SACM1L: variants seen among roughly 807,000 people sequenced by gnomAD.
The protein encoded by SACM1L is phosphatidylinositol-3-phosphatase SAC1.
A neutral mutation model predicts 89.5 loss-of-function variants in SACM1L; 32 were observed. That is an observed-to-expected ratio of 0.36 (90% CI 0.27 to 0.48). The LOEUF (loss-of-function observed/expected upper bound fraction) is 0.48. SACM1L is among the 20% of genes least tolerant of loss of function. The probability of loss-of-function intolerance (pLI) is 0.99; values close to 1 mark genes in which losing one functional copy is unlikely to be tolerated. For synonymous variants in SACM1L, 213 were observed against 232.8 expected (o/e 0.92, Z 0.77); for missense variants, 543 against 708.5 (o/e 0.77, Z 2.65).
At chr3:45,734,912 G>A (rs1699167304) in intron 13 of SACM1L, 1 of 212,954 alleles carries the variant, frequency 4.7e-6, no homozygotes, top group Non-Finnish European at 9.3e-6. Context: ...TTATGTTAGA[G>A]GAAACCCTCA....
intron 1 of SACM1L, among the ~76,000 whole-genome samples, chr3:45,700,557 A>AT (rs1698241633): frequency 6.6e-6 from 1 of 152,258 alleles, no homozygotes; most frequent in Admixed American, 6.5e-5. Flanking sequence ...GAAACCATTT[A>AT]GTAAAATTTT....
At chr3:45,695,557 A>T (rs1352193588) in intron 1 of SACM1L, among the ~76,000 whole-genome samples, 1 of 152,166 alleles carries the variant, frequency 6.6e-6, no homozygotes, top group Non-Finnish European at 1.5e-5. Flanking sequence ...CACTGCACCC[A>T]GCCAAATTCT....
chr3:45,689,595 G>A, intron 1 of SACM1L, 98 bp downstream of exon 1: 1 of 1,362,004 alleles, frequency 7.3e-7, no homozygotes, highest in Non-Finnish European at 1.0e-6. Flanking sequence ...ATTGCAGATA[G>A]GGTGTGGGAG....
chr3:45,738,807 C>T lies in SACM1L; in HGVS notation c.1503C>T (p.Asn501=). The T allele has an allele frequency of 1.2e-6, 2 of 1,611,040 alleles. No individual in the cohort carries two copies. Among genetic ancestry groups the T allele is most frequent in the Non-Finnish European group, 1.7e-6 (2 of 1,177,410 alleles). ...RQDSIDLFLG[N]YSVDELESHS... is the part of the protein sequence containing the mutation. ...ATTCCATAGACTTATTTCTTGGAAA[C>T]TATTCAGTGGATGAATTAGAATCTC... Residue 501 remains asparagine (N), a synonymous_variant, in exon 18 of 20, where the codon AAC becomes AAT. Coordinates refer to ENST00000389061, the MANE Select transcript of SACM1L (RefSeq NM_014016.5).
chr3:45,728,093 T>C (rs919423283), intron 11 of SACM1L, among the ~76,000 whole-genome samples: 29 of 152,240 alleles, frequency 1.9e-4, no homozygotes, highest in African/African-American at 6.5e-4. Context: ...TGTCTGATAC[T>C]AGTGTAGTTA....
At chr3:45,723,941 T>G (rs949375356) in intron 11 of SACM1L, among the ~76,000 whole-genome samples, 1 of 138,728 alleles carries the variant, frequency 7.2e-6, no homozygotes, top group Admixed American at 7.4e-5. Flanking sequence ...TGTATGTGTA[T>G]GCATATATGC....
chr3:45,689,795 A>C (rs1697925129), intron 1 of SACM1L: 1 of 560,598 alleles, frequency 1.8e-6, no homozygotes, highest in African/African-American at 1.9e-5. Flanking sequence ...GCGGCCCTTC[A>C]GGGCACGCTT....
intron 11 of SACM1L, among the ~76,000 whole-genome samples, chr3:45,730,106 A>T (rs1699011120): frequency 6.6e-6 from 1 of 152,038 alleles, no homozygotes; most frequent in Non-Finnish European, 1.5e-5. Flanking sequence ...TTGTCTAATA[A>T]GTCTAGTCTT....
chr3:45,709,477 C>G (rs757333284), intron 4 of SACM1L, 21 bp from the exon 5 acceptor site: 1 of 1,584,780 alleles, frequency 6.3e-7, no homozygotes, highest in East Asian at 2.2e-5. Context: ...ATGAGCTATA[C>G]TGATTTTTCT....
intron 4 of SACM1L, among the ~76,000 whole-genome samples, chr3:45,708,683 A>G (rs1698453617): frequency 6.6e-6 from 1 of 152,110 alleles, no homozygotes; most frequent in Non-Finnish European, 1.5e-5. Context: ...ATATTTACTT[A>G]GACAATTTCT....
rs1196289047 is a variant in SACM1L at position 45,726,865 on chromosome 3, A to C, written c.921+3322A>C. ...TTTTCCTCAGCACTGCTTTTGCTTTATTTCTTTTTTTTTTTTTTTTTTTTT... is the reference window on the plus strand; with the variant it reads ...TTTTCCTCAGCACTGCTTTTGCTTTCTTTCTTTTTTTTTTTTTTTTTTTTT... On this transcript the variant is annotated intron_variant, in intron 11 of 19. Transcript: ENST00000389061. 3.7e-5 allele frequency among the ~76,000 whole-genome samples: 2 copies of C among 53,656 alleles called. 1 individual carries two copies. Among genetic ancestry groups the C allele is most frequent in the Non-Finnish European group, 7.8e-5 (2 of 25,622 alleles). The allele number at this position is 53,656 out of a possible 152,430, so 35.2% of individuals were successfully genotyped here. A position where few individuals can be genotyped will look rare whatever the true frequency, so the allele number is the denominator to read the frequency against.
intron 13 of SACM1L, among the ~76,000 whole-genome samples, chr3:45,733,123 A>C (rs1357722040): frequency 6.6e-6 from 1 of 152,192 alleles, no homozygotes; most frequent in African/African-American, 2.4e-5. Flanking sequence ...TTCACCCATT[A>C]ACTGCTGCCG....
chr3:45,706,252 T>C (rs549734934), intron 3 of SACM1L, among the ~76,000 whole-genome samples: 1 of 152,342 alleles, frequency 6.6e-6, no homozygotes, highest in South Asian at 2.1e-4. Flanking sequence ...TGCATGATGT[T>C]GTGATGACTC....
intron 1 of SACM1L, among the ~76,000 whole-genome samples, chr3:45,696,437 A>G (rs1449254955): frequency 6.6e-6 from 1 of 152,206 alleles, no homozygotes; most frequent in Non-Finnish European, 1.5e-5. Flanking sequence ...TGAGTATACA[A>G]ATACCTTTTT....
intron 1 of SACM1L, among the ~76,000 whole-genome samples, chr3:45,691,874 T>C (rs180776439): frequency 4.6e-5 from 7 of 152,358 alleles, no homozygotes; most frequent in Admixed American, 2.0e-4. Context: ...TCTAATGCTC[T>C]GGTTTTATCC....
chr3:45,738,519 A>G, intron 16 of SACM1L, 59 bp from the exon 17 acceptor site: 1 of 1,010,156 alleles, frequency 9.9e-7, no homozygotes, highest in Non-Finnish European at 1.6e-6. Flanking sequence ...ATTGGCCATA[A>G]AACAGTGTGA....
At position 45,719,596 on chromosome 3, in the gene SACM1L, T is replaced by C. The variant is rs141591791; in HGVS notation, c.674T>C (p.Val225Ala). ...TTCAGAGCTGGTGTGCGCTATTATG[T>C]AAGAGGTGAGAATTTTGTCAGCATG... ...SCFRAGVRYY[V>A]RGIDSEGHAA... The change falls in exon 8 of 20, where the codon GTA becomes GCA. Residue 225 changes from valine to alanine, a missense_variant. By Grantham distance (64) the Val-to-Ala change is moderately conservative. This residue lies in a region of SACM1L where 370 missense variants were observed against 527.6 expected (regional missense o/e 0.70). Transcript: ENST00000389061. The C allele has an allele frequency of 2.7e-5, 43 of 1,601,564 alleles. No homozygotes were observed. The highest frequency in any genetic ancestry group is 2.6e-6 in the Non-Finnish European group (3 of 1,172,298).
intron 1 of SACM1L, among the ~76,000 whole-genome samples, chr3:45,702,800 C>T (rs3774654): frequency 0.12 from 18,060 of 151,882 alleles, 1,084 homozygotes; most frequent in East Asian, 0.14. Flanking sequence ...GTTTCTACCT[C>T]CTTTATTTTT....
chr3:45,721,512 A>G (rs1227663603), intron 8 of SACM1L, among the ~76,000 whole-genome samples: 1 of 152,222 alleles, frequency 6.6e-6, no homozygotes, highest in African/African-American at 2.4e-5. Flanking sequence ...ACAAGAGCGA[A>G]ACTCCGTCTC....
Sources: gnomAD v4.1 joint callset for allele counts (sites outside exome capture counted in the v4.1 genomes callset) on GRCh38, gnomAD v4.1.1 for gene constraint, gnomAD v4.1.1 regional missense constraint, MANE v1.5 for transcripts, NCBI Gene and HGNC (gene_info 2026-07-23, HGNC 2026-07-21) for gene names.